The following BICRA variants were observed in gnomAD, a reference collection of about 807,000 sequenced individuals.
BICRA encodes BRD4-interacting chromatin-remodeling complex-associated protein.
Under a neutral mutation model 96.9 loss-of-function variants are expected in BICRA, and 31 were observed. The observed-to-expected ratio is 0.32, with a 90% CI of 0.24 to 0.43. BICRA has a LOEUF of 0.43. BICRA is among the 20% of genes least tolerant of loss of function. The pLI, the probability that BICRA is intolerant of heterozygous loss-of-function variation, is 1.00. For missense variants in BICRA, 2,283 were observed against 2,190.3 expected, an observed-to-expected ratio of 1.04 and a Z score of -0.84; for synonymous variants, 1,350 against 1,071.8, an observed-to-expected ratio of 1.26 and a Z score of -5.07.
intron 1 of BICRA, among the ~76,000 whole-genome samples, chr19:47,631,079 G>T (rs1388951629): frequency 6.6e-6 from 1 of 151,948 alleles, no homozygotes; most frequent in Non-Finnish European, 1.5e-5. Flanking sequence ...GGTTTTTTTT[G>T]AGACAGAGTC....
intron 1 of BICRA, among the ~76,000 whole-genome samples, chr19:47,629,611 A>G (rs1264687241): frequency 6.6e-6 from 1 of 152,186 alleles, no homozygotes; most frequent in African/African-American, 2.4e-5. Flanking sequence ...CCTCTTGGCT[A>G]TTGCGAATAA....
intron 1 of BICRA, among the ~76,000 whole-genome samples, chr19:47,647,217 G>A (rs986981189): frequency 1.1e-4 from 16 of 151,348 alleles, no homozygotes; most frequent in African/African-American, 3.4e-4. Flanking sequence ...TTTTTTTCCA[G>A]TTTGCACTGT....
rs754997054 is a variant in BICRA, at chr19:47,699,647, G to T, written c.3595+242G>T. Reference sequence around the variant, plus strand: ...GGCCCTTCCACCCCCACCACTCTGGGATGGGGGGAATATTTCTGCCACCCC... The same window carrying T: ...GGCCCTTCCACCCCCACCACTCTGGTATGGGGGGAATATTTCTGCCACCCC... On this transcript the variant is annotated intron_variant, in intron 14 of 14. Coordinates refer to ENST00000594866, the MANE Select transcript of BICRA (RefSeq NM_001394372.1). This position sits in a 1 kb window ranked among gnomAD's most constrained non-coding sequence, Gnocchi z 5.0. Among the ~76,000 whole-genome samples, 2 of 152,156 alleles carry T rather than the reference G, an allele frequency of 1.3e-5. No homozygotes were observed. The highest frequency in any genetic ancestry group is 2.4e-5 in the African/African-American group (1 of 41,430).
rs746390364 is a variant in BICRA, at chr19:47,702,289, C to T, written c.4557C>T (p.Pro1519=). The T allele has an allele frequency of 3.4e-5, 54 of 1,592,990 alleles. 1 individual carries two copies. The Admixed American group carries it at 7.2e-4, about 21-fold the overall frequency. ...LNLQQAPGRT[P]APSYPHAASA... ...TGCAGCAGGCCCCCGGCCGGACGCCCGCGCCCTCGTACCCCCACGCTGCCT... is the reference window on the plus strand; with the variant it reads ...TGCAGCAGGCCCCCGGCCGGACGCCTGCGCCCTCGTACCCCCACGCTGCCT... Residue 1519 remains proline, a synonymous_variant, in exon 15 of 15, where the codon CCC becomes CCT. Transcript: ENST00000594866.
rs1006935871 is a variant in BICRA at position 47,647,876 on chromosome 19, T to C, written c.-107-22567T>C. On this transcript the variant is annotated intron_variant, in intron 1 of 14. Transcript: ENST00000594866. ...CCTGTTGGGCTTGAGTGTCTAGATATGGAGACCGTAGTTCGCGGGGGGAGT... is the reference window on the plus strand; with the variant it reads ...CCTGTTGGGCTTGAGTGTCTAGATACGGAGACCGTAGTTCGCGGGGGGAGT... 4.8e-4 allele frequency among the ~76,000 whole-genome samples: 65 copies of C among 136,462 alleles called. 1 individual carries two copies. The highest frequency in any genetic ancestry group is 1.7e-3 in the African/African-American group (62 of 35,960). The allele number at this position is 136,462 out of a possible 152,430, so 89.5% of individuals were successfully genotyped here.
chr19:47,699,015 G>C lies in BICRA; in HGVS notation c.3448G>C (p.Ala1150Pro). 2.5e-6 allele frequency: 4 copies of C among 1,587,258 alleles called. No individual in the cohort carries two copies. Among genetic ancestry groups the C allele is most frequent in the Non-Finnish European group, 3.4e-6 (4 of 1,167,488 alleles). The change falls in exon 13 of 15, where the codon GCC becomes CCC. Residue 1150 changes from alanine to proline, a missense_variant. Transcript: ENST00000594866. This position sits in a 1 kb window ranked among gnomAD's most constrained non-coding sequence, Gnocchi z 5.0. ...VSTQLLKRTQ[A>P]MLNKYRLLLL... Reference sequence around the variant, plus strand: ...CACGCAGCTGCTGAAACGCACCCAGGCCATGCTCAATAAATATCGGCTCCT... The same window carrying C: ...CACGCAGCTGCTGAAACGCACCCAGCCCATGCTCAATAAATATCGGCTCCT...
rs552380045 is a variant in BICRA at position 47,698,833 on chromosome 19, G to A, written c.3397+51G>A. On this transcript the variant is annotated intron_variant, in intron 12 of 14. Transcript: ENST00000594866. This position sits in a 1 kb window ranked among gnomAD's most constrained non-coding sequence, Gnocchi z 4.8. ...TATATGTCCCAGGGGACCCCAGCCC[G>A]TGGGGCGGGGCGTCGCCAGTGTGGA... is the stretch of plus-strand genomic sequence containing the variant. 6.1e-6 allele frequency: 9 copies of A among 1,471,634 alleles called. No homozygotes were observed. In the African/African-American group the frequency reaches 7.0e-5, roughly 11 times the overall value. 91.2% of individuals were successfully genotyped at this position (1,471,634 alleles called of 1,614,324 possible). A position where few individuals can be genotyped will look rare whatever the true frequency, so the allele number is the denominator to read the frequency against.
intron 1 of BICRA, among the ~76,000 whole-genome samples, chr19:47,634,155 T>C (rs1183231617): frequency 1.3e-5 from 2 of 152,166 alleles, no homozygotes; most frequent in African/African-American, 4.8e-5. Context: ...CGAGTGAGAA[T>C]GAGCAGTGGC....
intron 4 of BICRA, among the ~76,000 whole-genome samples, chr19:47,674,750 C>T (rs541794920): frequency 2.0e-5 from 3 of 152,194 alleles, no homozygotes; most frequent in Non-Finnish European, 4.4e-5. Flanking sequence ...CTCCTTAGTG[C>T]TGCTTGAGTG....
chr19:47,664,988 T>A (rs1972755690), intron 1 of BICRA, among the ~76,000 whole-genome samples: 1 of 152,116 alleles, frequency 6.6e-6, no homozygotes, highest in South Asian at 2.1e-4. Flanking sequence ...CTGGTGACAA[T>A]TTTGGGTCCG....
At chr19:47,672,070 T>A (rs1313841702) in intron 2 of BICRA, among the ~76,000 whole-genome samples, 1 of 98,276 alleles carries the variant, frequency 1.0e-5, no homozygotes, top group African/African-American at 4.0e-5. Context: ...GATGGAGGGA[T>A]GGGTGGATGG....
chr19:47,656,069 GACACACACACACACACACAC>G (rs60179476), intron 1 of BICRA, among the ~76,000 whole-genome samples: 2 of 132,242 alleles, frequency 1.5e-5, no homozygotes, highest in Admixed American at 7.8e-5. Context: ...ATCCTGTCTC[GACACACACACACACACACAC>G]ACACACACAC....
chr19:47,614,839 G>A (rs1971960235), intron 1 of BICRA, among the ~76,000 whole-genome samples: 1 of 152,166 alleles, frequency 6.6e-6, no homozygotes, highest in Non-Finnish European at 1.5e-5. Context: ...TCTGTGTGAA[G>A]CATGGGAAGG....
intron 1 of BICRA, among the ~76,000 whole-genome samples, chr19:47,627,820 A>T (rs1972162854): frequency 6.6e-6 from 1 of 152,124 alleles, no homozygotes; most frequent in Non-Finnish European, 1.5e-5. Context: ...CCCAGGCTGG[A>T]GTGCAGTGGC....
intron 1 of BICRA, among the ~76,000 whole-genome samples, chr19:47,628,166 G>A (rs1287522683): frequency 2.0e-5 from 3 of 152,204 alleles, no homozygotes; most frequent in Non-Finnish European, 4.4e-5. Flanking sequence ...ACTATTGACT[G>A]TTGTTGCTAT....
In BICRA at chr19:47,680,389, C is replaced by A. The variant is rs754844048; in HGVS notation, c.1219C>A (p.Gln407Lys). The change falls in exon 6 of 15, where the codon CAG becomes AAG. Residue 407 changes from glutamine (Q) to lysine (K), a missense_variant. Gln to Lys is a moderately conservative substitution (Grantham distance 53). Coordinates refer to ENST00000594866, the MANE Select transcript of BICRA (RefSeq NM_001394372.1). ...LTFMAAGKAG[Q>K]NVVLSGFPAP... ...GTTCATGGCGGCGGGGAAGGCGGGC[C>A]AGAACGTGGTGCTGTCGGGCTTCCC... The A allele has an allele frequency of 3.9e-6, 6 of 1,532,674 alleles. No homozygotes were observed. The South Asian group carries it at 6.0e-5, about 15-fold the overall frequency. 94.9% of individuals were successfully genotyped at this position (1,532,674 alleles called of 1,614,324 possible).
At position 47,682,015 on chromosome 19, in the gene BICRA, C is replaced by A; in HGVS notation, c.2146C>A (p.Leu716Ile). ...GCCCCTCTCCGCAGAGGGCCCCCACCTCTCCGTGCCTGCCTCGGTCATAGT... is the reference window on the plus strand; with the variant it reads ...GCCCCTCTCCGCAGAGGGCCCCCACATCTCCGTGCCTGCCTCGGTCATAGT... ...QQPLSAEGPH[L>I]SVPASVIVSA... Residue 716 changes from leucine (L) to isoleucine (I), a missense_variant, in exon 7 of 15, where the codon CTC (leucine) becomes ATC (isoleucine). Transcript: ENST00000594866. The A allele has an allele frequency of 1.3e-6, 2 of 1,571,524 alleles. No homozygotes were observed. The highest frequency in any genetic ancestry group is 2.3e-5 in the East Asian group (1 of 42,654).
intron 1 of BICRA, among the ~76,000 whole-genome samples, chr19:47,657,147 C>T (rs1972630680): frequency 6.6e-6 from 1 of 152,122 alleles, no homozygotes; most frequent in South Asian, 2.1e-4. Flanking sequence ...AGGCGTGAGC[C>T]ACTGCGCCGG....
chr19:47,694,552 G>A lies in BICRA; in HGVS notation c.2721G>A (p.Gln907=). The A allele has an allele frequency of 6.9e-6, 11 of 1,604,042 alleles. No homozygotes were observed. The highest frequency in any genetic ancestry group is 9.3e-6 in the Non-Finnish European group (11 of 1,176,626). Residue 907 remains glutamine, a synonymous_variant, in exon 8 of 15, where the codon CAG becomes CAA. Transcript: ENST00000594866. ...RLPAPTPSDF[Q]LQFPPSQGPH... ...CAGCCCCTACGCCATCCGACTTCCA[G>A]CTCCAGTTCCCACCCAGCCAGGGGC...
Sources: gnomAD v4.1 joint callset for allele counts (sites outside exome capture counted in the v4.1 genomes callset) on GRCh38, gnomAD v4.1.1 for gene constraint, Gnocchi (gnomAD v3.1) non-coding constraint, MANE v1.5 for transcripts, NCBI Gene and HGNC (gene_info 2026-07-23, HGNC 2026-07-21) for gene names.